LAMA5: variants seen among roughly 807,000 people sequenced by gnomAD.
The protein encoded by LAMA5 is laminin subunit alpha-5.
In LAMA5, 260 loss-of-function variants were observed where a neutral mutation model predicts 433.4. The ratio of observed to expected loss-of-function variants is 0.60; its 90% CI spans 0.54 to 0.66. LAMA5 has a LOEUF of 0.66. Among genes scored for constraint, LAMA5 ranks in the 30% least tolerant of loss-of-function variants. The pLI, the probability that LAMA5 is intolerant of heterozygous loss-of-function variation, is 0.00. For synonymous variants in LAMA5, 2,620 were observed against 2,226.6 expected (o/e 1.18, Z -4.97); for missense variants, 5,378 against 5,258.5 (o/e 1.02, Z -0.70).
rs756818142 is a variant in LAMA5 at position 62,314,458 on chromosome 20, A to G, written c.8368-18T>C. Reference sequence around the variant, plus strand: ...CCAGTGGCCTGCGGCAGTGACAGACACACAGTCGGGATGGGGACCGGGGAC... The same window carrying G: ...CCAGTGGCCTGCGGCAGTGACAGACGCACAGTCGGGATGGGGACCGGGGAC... On this transcript the variant is annotated intron_variant, in intron 61 of 79. Transcript: ENST00000252999. 6.2e-7 allele frequency: 1 copy of G among 1,612,780 alleles called. No homozygotes were observed. Among genetic ancestry groups the G allele is most frequent in the Admixed American group, 1.7e-5 (1 of 59,980 alleles).
Position 62,311,267 on chromosome 20 carries a change from C to A in LAMA5, c.9983G>T (p.Cys3328Phe). The A allele has an allele frequency of 1.2e-6, 2 of 1,603,072 alleles. No homozygotes were observed. The highest frequency in any genetic ancestry group is 8.5e-7 in the Non-Finnish European group (1 of 1,176,244). Reference protein sequence around the residue: ...RSRQPARHPACMLPPHLRTTR... With the variant: ...RSRQPARHPAFMLPPHLRTTR... ...GGTCCTGAGGTGTGGGGGCAGCATG[C>A]AGGCAGGATGCCGGGCGGGCTGACG... Residue 3328 changes from cysteine (C) to phenylalanine (F), a missense_variant, in exon 73 of 80, where the codon TGC becomes TTC. Coordinates refer to ENST00000252999, the MANE Select transcript of LAMA5 (RefSeq NM_005560.6).
intron 11 of LAMA5, among the ~76,000 whole-genome samples, chr20:62,340,863 C>T (rs913290547): frequency 6.6e-6 from 1 of 151,446 alleles, no homozygotes. Context: ...GGTAAAACCC[C>T]ATCTCTACTA....
intron 43 of LAMA5, 111 bp downstream of exon 43, chr20:62,323,969 G>A: frequency 1.4e-6 from 2 of 1,423,562 alleles, no homozygotes; most frequent in Non-Finnish European, 1.9e-6. Flanking sequence ...AGACCTCACG[G>A]ACACCTCCAG....
At chr20:62,314,208 G>C (rs370151258) in intron 62 of LAMA5, 96 bp downstream of exon 62, 219 of 1,451,790 alleles carry the variant, frequency 1.5e-4, no homozygotes, top group East Asian at 1.5e-3. Context: ...GCATGGAGAG[G>C]TGAAGGGTGG....
intron 57 of LAMA5, chr20:62,316,404 G>A (rs931393097): frequency 2.1e-5 from 11 of 532,572 alleles, no homozygotes; most frequent in Non-Finnish European, 3.7e-5. Flanking sequence ...CAGAGGCCAC[G>A]TATCTCTTGC....
chr20:62,335,325 A>T (rs1981373310), intron 18 of LAMA5, 56 bp from the exon 19 acceptor site: 2 of 1,579,486 alleles, frequency 1.3e-6, no homozygotes, highest in South Asian at 1.1e-5. Context: ...GCCTGGCTCC[A>T]GCCCCCCGAG....
At chr20:62,353,111 G>T in intron 3 of LAMA5, 23 bp downstream of exon 3, 1 of 1,526,752 alleles carries the variant, frequency 6.5e-7, no homozygotes, top group Non-Finnish European at 8.9e-7. Context: ...CTCCCCCCAG[G>T]CCCCACGGCG....
intron 58 of LAMA5, among the ~76,000 whole-genome samples, chr20:62,315,634 C>A (rs1414939339): frequency 6.6e-6 from 1 of 152,190 alleles, no homozygotes; most frequent in African/African-American, 2.4e-5. Flanking sequence ...GCCACGCTGA[C>A]CACTGTGCCC....
Position 62,332,396 on chromosome 20 carries a change from T to A in LAMA5, c.3528A>T (p.Thr1176=), listed in dbSNP as rs752107683. ...HLDSEASVRL[T]AEQARFFLHG... is the part of the protein sequence containing the mutation. ...CCAGGAAGAAGCGTGCCTGTTCGGC[T>A]GTGAGCCTCACGCTGGCCTCCGAGT... The change falls in exon 28 of 80, where the codon ACA becomes ACT. Residue 1176 remains threonine, a synonymous_variant. Transcript: ENST00000252999. The A allele has an allele frequency of 1.9e-6, 3 of 1,612,520 alleles. No homozygotes were observed. The South Asian group carries it at 3.3e-5, about 18-fold the overall frequency.
At chr20:62,315,351 C>T (rs1986827528) in intron 58 of LAMA5, 144 bp from the exon 59 acceptor site, 2 of 681,912 alleles carry the variant, frequency 2.9e-6, no homozygotes, top group African/African-American at 3.6e-5. Flanking sequence ...CTGCTCAGTG[C>T]AATCCAAACC....
In LAMA5 at chr20:62,332,728, G is replaced by A. The variant is rs746100803; in HGVS notation, c.3283-11C>T. 1 of 1,609,548 alleles carries A rather than the reference G, an allele frequency of 6.2e-7. No individual in the cohort carries two copies. The highest frequency in any genetic ancestry group is 1.7e-4 in the Middle Eastern group (1 of 6,022). On this transcript the variant is annotated splice_polypyrimidine_tract_variant and intron_variant, in intron 26 of 79. Coordinates refer to ENST00000252999, the MANE Select transcript of LAMA5 (RefSeq NM_005560.6). The stretch of plus-strand genomic sequence containing the variant: ...AAGCTGGACGTCCACCTGCAGGGAA[G>A]GCAGGGTGACGGGAGGCCCGCCACC...
At chr20:62,346,262 A>G in intron 9 of LAMA5, 47 bp from the exon 10 acceptor site, 1 of 1,583,134 alleles carries the variant, frequency 6.3e-7, no homozygotes, top group African/African-American at 1.3e-5. Context: ...CCAGGACTCA[A>G]GGGGTGGGCT....
intron 7 of LAMA5, 50 bp downstream of exon 7, chr20:62,346,863 C>T (rs779274980): frequency 3.7e-6 from 6 of 1,605,526 alleles, no homozygotes; most frequent in Non-Finnish European, 8.5e-7. Context: ...GGGGCCCTCT[C>T]ATGGGCCAGG....
chr20:62,324,295 G>C lies in LAMA5; in HGVS notation c.5644-91C>G. ...TCCCACCACCCCTGCCTCAGACTCT[G>C]TGCCCAAGGCCAGATGGTCCCCCAC... On this transcript the variant is annotated intron_variant, in intron 42 of 79. Transcript: ENST00000252999. The surrounding 1 kb of genome is among the most constrained non-coding windows in gnomAD (Gnocchi z 4.4). The C allele has an allele frequency of 6.6e-7, 1 of 1,519,180 alleles. No individual in the cohort carries two copies. The highest frequency in any genetic ancestry group is 1.2e-5 in the South Asian group (1 of 82,756). The allele number at this position is 1,519,180 out of a possible 1,614,324, so 94.1% of individuals were successfully genotyped here.
chr20:62,352,544 A>C (rs1326993089), intron 3 of LAMA5, among the ~76,000 whole-genome samples, 184 bp from the exon 4 acceptor site: 3 of 149,770 alleles, frequency 2.0e-5, no homozygotes, highest in Non-Finnish European at 4.5e-5. Context: ...ACTGCCCCCC[A>C]CCGCTCTCCC....
chr20:62,309,282 G>A lies in LAMA5; in HGVS notation c.*54C>T. 2 of 1,565,446 alleles carry A rather than the reference G, an allele frequency of 1.3e-6. No individual in the cohort carries two copies. The highest frequency in any genetic ancestry group is 1.7e-6 in the Non-Finnish European group (2 of 1,159,254). On this transcript the variant is annotated 3_prime_UTR_variant, in exon 80 of 80. Coordinates refer to ENST00000252999, the MANE Select transcript of LAMA5 (RefSeq NM_005560.6). ...TAGACACCTATGAGGCGAGCACAAG[G>A]GGCGGTGTGAGGCAGCTGCAGGGGC...
Position 62,310,513 on chromosome 20 carries a change from C to T in LAMA5, c.10506G>A (p.Gly3502=). Residue 3502 remains glycine (G), a synonymous_variant, in exon 76 of 80, where the codon GGG becomes GGA. Transcript: ENST00000252999. Reference sequence around the variant, plus strand: ...TGACCCCTGCCATCCGTGTGGGGGCCCCCAGGGGCCTCCCGTGCAGCCTCA... The same window carrying T: ...TGACCCCTGCCATCCGTGTGGGGGCTCCCAGGGGCCTCCCGTGCAGCCTCA... ...KRLRLHGRPL[G]APTRMAGVTP... 6.4e-7 allele frequency: 1 copy of T among 1,556,132 alleles called. No homozygotes were observed. Among genetic ancestry groups the T allele is most frequent in the Non-Finnish European group, 8.6e-7 (1 of 1,158,220 alleles).
chr20:62,311,816 T>TTGGCCCCCCCCC, intron 70 of LAMA5, 32 bp from the exon 71 acceptor site: 1 of 1,521,012 alleles, frequency 6.6e-7, no homozygotes, highest in Non-Finnish European at 8.9e-7. Context: ...GCTCGGTTTT[T>TTGGCCCCCCCCC]CCCCACCCTG....
chr20:62,321,886 A>G lies in LAMA5; in HGVS notation c.6496+133T>C, dbSNP rs534556310. On this transcript the variant is annotated intron_variant, in intron 48 of 79. Transcript: ENST00000252999. ...TCAGCGTGGTTGGAGTTGGACAGGCATGGGTCTCTCGGGAAATGGAAGGCA... is the reference window on the plus strand; with the variant it reads ...TCAGCGTGGTTGGAGTTGGACAGGCGTGGGTCTCTCGGGAAATGGAAGGCA... 1.1e-5 allele frequency: 10 copies of G among 871,354 alleles called. No individual in the cohort carries two copies. The East Asian group carries it at 1.9e-4, about 17-fold the overall frequency. The allele number at this position is 871,354 out of a possible 1,614,324, so 54.0% of individuals were successfully genotyped here.
Sources: allele counts gnomAD v4.1 joint callset (sites outside exome capture counted in the v4.1 genomes callset), GRCh38; gene constraint gnomAD v4.1.1; non-coding constraint Gnocchi (gnomAD v3.1); transcripts MANE v1.5; gene names NCBI Gene and HGNC (gene_info 2026-07-23, HGNC 2026-07-21).